The following HIVEP1 variants were observed in gnomAD, a reference collection of about 807,000 sequenced individuals.
HIVEP1 encodes the protein zinc finger protein 40.
Under a neutral mutation model 180.0 loss-of-function variants are expected in HIVEP1, and 36 were observed. That is an observed-to-expected ratio of 0.20 (90% CI 0.15 to 0.26). The LOEUF (loss-of-function observed/expected upper bound fraction) is 0.26, where lower values mean the gene tolerates loss of function less well. Among genes scored for constraint, HIVEP1 ranks in the 10% least tolerant of loss-of-function variants. The probability of loss-of-function intolerance (pLI) is 1.00; values close to 1 mark genes in which losing one functional copy is unlikely to be tolerated. For synonymous variants in HIVEP1, 1,239 were observed against 1,239.0 expected (o/e 1.00, Z 0.00); for missense variants, 3,143 against 3,268.7 (o/e 0.96, Z 0.94).
chr6:12,086,215 G>A (rs182377618), intron 2 of HIVEP1, among the ~76,000 whole-genome samples: 6 of 152,128 alleles, frequency 3.9e-5, no homozygotes, highest in East Asian at 1.9e-4. Context: ...ATCCATTCAC[G>A]TGTTTGCTGG....
intron 2 of HIVEP1, among the ~76,000 whole-genome samples, chr6:12,062,728 TG>T (rs1448642729): frequency 6.6e-6 from 1 of 152,242 alleles, no homozygotes; most frequent in African/African-American, 2.4e-5. Context: ...AACTGAGGTT[TG>T]GCTTATAAGT....
intron 4 of HIVEP1, among the ~76,000 whole-genome samples, chr6:12,127,052 G>T (rs1005293082): frequency 6.6e-6 from 1 of 152,002 alleles, no homozygotes; most frequent in South Asian, 2.1e-4. Flanking sequence ...ACAGAGTTTC[G>T]CCATGTCTGG....
chr6:12,168,068 T>TATAC (rs371056220), downstream of HIVEP1, among the ~76,000 whole-genome samples: 11,184 of 14,956 alleles, frequency 0.75, 4,814 homozygotes, highest in South Asian at 0.86. Context: ...TATATACATA[T>TATAC]ATATGTGTAT....
At chr6:12,106,069 T>C (rs916768182) in intron 3 of HIVEP1, among the ~76,000 whole-genome samples, 6 of 151,818 alleles carry the variant, frequency 4.0e-5, no homozygotes, top group African/African-American at 1.4e-4. Context: ...TATATACATA[T>C]ATATACACAC....
chr6:12,088,405 C>T (rs576698317), intron 2 of HIVEP1, among the ~76,000 whole-genome samples: 2 of 152,112 alleles, frequency 1.3e-5, no homozygotes, highest in East Asian at 1.9e-4. Context: ...AATTTGGAAT[C>T]GATTACTGCC....
rs879397978 is a variant in HIVEP1, at chr6:12,146,774, A to AT, written c.6487+10894dup. Among the ~76,000 whole-genome samples the AT allele has an allele frequency of 2.4e-3, 353 of 146,160 alleles. 1 individual carries two copies. The highest frequency in any genetic ancestry group is 5.1e-3 in the African/African-American group (204 of 40,020). ...GAAAAGTTTATTCTCTTTTTGAATG[A>AT]TTTTTTTTTTTTATGTATCACTTCG... On this transcript the variant is annotated intron_variant, in intron 7 of 8. Transcript: ENST00000379388.
At position 12,090,735 on chromosome 6, in the gene HIVEP1, C is replaced by CTTTTTTTTTTTTTTTTTTTTTTT. The variant is rs35266647; in HGVS notation, c.94+1500_94+1522dup. ...AAAGTTTTCTTTCTCTATAGCCAGC[C>CTTTTTTTTTTTTTTTTTTTTTTT]TTTTTTTTTTTTTTTTTTTTTTTTA... is the stretch of plus-strand genomic sequence containing the variant. On this transcript the variant is annotated intron_variant, in intron 3 of 8. Coordinates refer to ENST00000379388, the MANE Select transcript of HIVEP1 (RefSeq NM_002114.4). Among the ~76,000 whole-genome samples the CTTTTTTTTTTTTTTTTTTTTTTT allele has an allele frequency of 4.9e-5, 4 of 82,472 alleles. 1 individual carries two copies. Among genetic ancestry groups the CTTTTTTTTTTTTTTTTTTTTTTT allele is most frequent in the African/African-American group, 1.9e-4 (4 of 21,210 alleles). The allele number at this position is 82,472 out of a possible 152,430, so 54.1% of individuals were successfully genotyped here. A position where few individuals can be genotyped will look rare whatever the true frequency, so the allele number is the denominator to read the frequency against.
chr6:12,013,762 G>A (rs1767550148), intron 1 of HIVEP1, among the ~76,000 whole-genome samples: 1 of 152,180 alleles, frequency 6.6e-6, no homozygotes, highest in East Asian at 1.9e-4. Flanking sequence ...GCAAGGAGCT[G>A]AGAAACCCTA....
At chr6:12,037,022 A>G (rs1769319070) in intron 2 of HIVEP1, among the ~76,000 whole-genome samples, 1 of 152,204 alleles carries the variant, frequency 6.6e-6, no homozygotes, top group South Asian at 2.1e-4. Flanking sequence ...GGCTGGCTGA[A>G]TGGAGGCAAC....
intron 2 of HIVEP1, among the ~76,000 whole-genome samples, chr6:12,032,704 G>T (rs769188572): frequency 6.6e-6 from 1 of 152,068 alleles, no homozygotes; most frequent in Non-Finnish European, 1.5e-5. Flanking sequence ...TTCAGCAAAC[G>T]TTTGTTTACC....
chr6:12,165,664 G>T (rs968905725), downstream of HIVEP1, among the ~76,000 whole-genome samples: 27 of 152,204 alleles, frequency 1.8e-4, no homozygotes, highest in Non-Finnish European at 5.9e-5. Context: ...CTAGGTTTAT[G>T]AGAAAAGTAT....
In HIVEP1 at chr6:12,124,939, A is replaced by G. The variant is rs549710277; in HGVS notation, c.5144A>G (p.Gln1715Arg). 1 of 1,614,056 alleles carries G rather than the reference A, an allele frequency of 6.2e-7. No homozygotes were observed. ...LCENVFSEMS[Q>R]NSSLSESLPI... Reference sequence around the variant, plus strand: ...GAAAATGTTTTTTCAGAGATGAGCCAAAATTCTTCTCTATCAGAATCCTTG... The same window carrying G: ...GAAAATGTTTTTTCAGAGATGAGCCGAAATTCTTCTCTATCAGAATCCTTG... Residue 1715 changes from glutamine to arginine, a missense_variant, in exon 4 of 9, where the codon CAA (glutamine) becomes CGA (arginine). This residue lies in a region of HIVEP1 where 1,357 missense variants were observed against 1,260.5 expected (regional missense o/e 1.08). Coordinates refer to ENST00000379388, the MANE Select transcript of HIVEP1 (RefSeq NM_002114.4).
the HIVEP1 span, among the ~76,000 whole-genome samples, chr6:12,182,070 T>C: frequency 6.6e-6 from 1 of 152,182 alleles, no homozygotes; most frequent in Non-Finnish European, 1.5e-5. Context: ...TTCCTAAGAT[T>C]TGGAAATTAG....
At chr6:12,042,072 C>CT (rs551684741) in intron 2 of HIVEP1, among the ~76,000 whole-genome samples, 4,225 of 128,112 alleles carry the variant, frequency 0.033, 174 homozygotes, top group East Asian at 0.12. Flanking sequence ...TATTCGTACG[C>CT]TTTTTTTTTT....
the HIVEP1 span, among the ~76,000 whole-genome samples, chr6:12,201,755 T>C: frequency 3.1e-3 from 472 of 152,352 alleles, 5 homozygotes; most frequent in African/African-American, 0.011. Context: ...GCAAAAAGTT[T>C]AGTTGGGGAG....
At chr6:12,205,696 A>G in the HIVEP1 span, among the ~76,000 whole-genome samples, 1 of 152,338 alleles carries the variant, frequency 6.6e-6, no homozygotes, top group Admixed American at 6.5e-5. Flanking sequence ...ATATTTGTAA[A>G]GTACATATTT....
At chr6:12,070,965 C>CTT (rs1021357771) in intron 2 of HIVEP1, among the ~76,000 whole-genome samples, 26 of 152,162 alleles carry the variant, frequency 1.7e-4, no homozygotes, top group African/African-American at 6.0e-4. Context: ...CATGATAAAA[C>CTT]ACAAACCAGG....
chr6:12,041,047 A>C (rs189495786), intron 2 of HIVEP1, among the ~76,000 whole-genome samples: 3 of 152,304 alleles, frequency 2.0e-5, no homozygotes, highest in Admixed American at 1.3e-4. Context: ...TATCCAAACT[A>C]TCAGTCGGTC....
At chr6:12,079,466 T>C (rs966012913) in intron 2 of HIVEP1, among the ~76,000 whole-genome samples, 16 of 152,302 alleles carry the variant, frequency 1.1e-4, no homozygotes, top group African/African-American at 3.1e-4. Context: ...CTTATCTTCC[T>C]CAGTATCCAC....
Sources: gnomAD v4.1 joint callset for allele counts (sites outside exome capture counted in the v4.1 genomes callset) on GRCh38, gnomAD v4.1.1 for gene constraint, gnomAD v4.1.1 regional missense constraint, MANE v1.5 for transcripts, NCBI Gene and HGNC (gene_info 2026-07-23, HGNC 2026-07-21) for gene names.